NF2: variants seen among roughly 807,000 people sequenced by gnomAD.
NF2 encodes the protein NF2, moesin-ezrin-radixin like (MERLIN) tumor suppressor, also known as merlin.
A neutral mutation model predicts 83.7 loss-of-function variants in NF2; 8 were observed. The ratio of observed to expected loss-of-function variants is 0.10; its 90% CI spans 0.06 to 0.17. The LOEUF is 0.17. NF2 is among the 10% of genes least tolerant of loss of function. The pLI is 1.00. For missense variants in NF2, 533 were observed against 744.4 expected (o/e 0.72, Z 3.31); for synonymous variants, 266 against 269.6 (o/e 0.99, Z 0.13).
At chr22:29,637,690 ATTTT>A (rs35261503) in intron 2 of NF2, among the ~76,000 whole-genome samples, 3 of 146,712 alleles carry the variant, frequency 2.0e-5, no homozygotes, top group Non-Finnish European at 4.5e-5. Context: ...AAAGCTTCCT[ATTTT>A]TTTTTTTTTT....
At chr22:29,609,631 T>A (rs2064896237) in intron 1 of NF2, 1 of 189,022 alleles carries the variant, frequency 5.3e-6, no homozygotes, top group African/African-American at 2.4e-5. Context: ...TTTCAGTGAT[T>A]ATAATTGATT....
intron 14 of NF2, 40 bp from the exon 15 acceptor site, chr22:29,681,395 ACTGT>A: frequency 1.2e-6 from 2 of 1,611,618 alleles, no homozygotes; most frequent in Non-Finnish European, 8.5e-7. Context: ...GCCGTGTCTC[ACTGT>A]CTGCCCAAGC....
In NF2 at chr22:29,603,659, G is replaced by A. The variant is rs2064700222; in HGVS notation, c.-340G>A. The A allele has an allele frequency of 2.5e-6, 1 of 408,146 alleles. No individual in the cohort carries two copies. Among genetic ancestry groups the A allele is most frequent in the South Asian group, 1.0e-4 (1 of 10,020 alleles). The allele number at this position is 408,146 out of a possible 1,614,324, so 25.3% of individuals were successfully genotyped here. On this transcript the variant is annotated 5_prime_UTR_variant, in exon 1 of 16. Coordinates refer to ENST00000338641, the MANE Select transcript of NF2 (RefSeq NM_000268.4). ...TGACCCTAGTCGGCCGCTGAGAGGC[G>A]CGCGGAGTCTGGGCCGCTGCCGTCT...
intron 9 of NF2, among the ~76,000 whole-genome samples, chr22:29,666,285 C>T (rs111849505): frequency 0.073 from 11,097 of 152,048 alleles, 433 homozygotes; most frequent in African/African-American, 0.08. Flanking sequence ...GGATTACAGG[C>T]GGCCACTACC....
intron 4 of NF2, among the ~76,000 whole-genome samples, chr22:29,644,891 G>A (rs929138453): frequency 2.6e-5 from 4 of 152,142 alleles, no homozygotes; most frequent in African/African-American, 4.8e-5. Context: ...GCTTTGGCTC[G>A]GCATGAGAGG....
chr22:29,607,823 A>G (rs937709320), intron 1 of NF2, among the ~76,000 whole-genome samples: 1 of 152,194 alleles, frequency 6.6e-6, no homozygotes, highest in Admixed American at 6.6e-5. Context: ...ATTAAAGAAT[A>G]TCCATAAAGA....
chr22:29,642,474 ATG>A (rs367627235), intron 4 of NF2, among the ~76,000 whole-genome samples, 189 bp downstream of exon 4: 127 of 150,670 alleles, frequency 8.4e-4, no homozygotes, highest in African/African-American at 2.5e-3. Context: ...TTGTGTGTGT[ATG>A]TGTGTGTGTG....
At position 29,658,283 on chromosome 22, in the gene NF2, G is replaced by C. The variant is rs2146991285; in HGVS notation, c.675+19G>C. 2.5e-6 allele frequency: 4 copies of C among 1,610,714 alleles called. No individual in the cohort carries two copies. The highest frequency in any genetic ancestry group is 3.4e-6 in the Non-Finnish European group (4 of 1,176,908). On this transcript the variant is annotated intron_variant, in intron 7 of 15. Coordinates refer to ENST00000338641, the MANE Select transcript of NF2 (RefSeq NM_000268.4). ...AATCCGGGTGTGTTGAAACCTCTCT[G>C]AGCTCCTTGTGTAGTAGACAGAGAC...
intron 1 of NF2, among the ~76,000 whole-genome samples, chr22:29,617,848 G>A (rs902209637): frequency 2.6e-5 from 4 of 152,252 alleles, no homozygotes; most frequent in Admixed American, 6.5e-5. Context: ...AAAGTGCATC[G>A]GCTTTGAAAG....
intron 1 of NF2, among the ~76,000 whole-genome samples, chr22:29,624,825 C>CTTTCTTTCT (rs2065309033): frequency 7.1e-6 from 1 of 140,344 alleles, no homozygotes; most frequent in South Asian, 2.3e-4. Context: ...TTCTTTCTTT[C>CTTTCTTTCT]TTTCTTTCTT....
chr22:29,660,761 G>A (rs1218734803), intron 7 of NF2, among the ~76,000 whole-genome samples: 2 of 152,108 alleles, frequency 1.3e-5, no homozygotes, highest in African/African-American at 4.8e-5. Flanking sequence ...TAGAGATGGG[G>A]TTTCACCATG....
chr22:29,647,035 C>CA (rs67597134), intron 4 of NF2, among the ~76,000 whole-genome samples: 15,693 of 116,870 alleles, frequency 0.13, 1,304 homozygotes, highest in African/African-American at 0.27. Context: ...GACTCCATCT[C>CA]AAAAAAAAAA....
intron 10 of NF2, among the ~76,000 whole-genome samples, chr22:29,670,582 G>T (rs1037838880): frequency 6.6e-6 from 1 of 151,646 alleles, no homozygotes; most frequent in Admixed American, 6.6e-5. Context: ...TAGAAACCTT[G>T]TATGACCAGA....
Position 29,603,846 on chromosome 22 carries a change from T to C in NF2, c.-153T>C, listed in dbSNP as rs1018053621. ...CAGGCAGGGTCCTCGCGGCCCATGC[T>C]GGCCGCTGGGGACCCGCGCAGCCCA... On this transcript the variant is annotated 5_prime_UTR_variant, in exon 1 of 16. Transcript: ENST00000338641. The C allele has an allele frequency of 1.6e-6, 1 of 608,338 alleles. No individual in the cohort carries two copies. The highest frequency in any genetic ancestry group is 2.0e-5 in the South Asian group (1 of 50,330). The allele number at this position is 608,338 out of a possible 1,614,324, so 37.7% of individuals were successfully genotyped here.
intron 4 of NF2, among the ~76,000 whole-genome samples, chr22:29,642,923 G>C (rs2065851878): frequency 6.6e-6 from 1 of 151,818 alleles, no homozygotes; most frequent in African/African-American, 2.4e-5. Context: ...TGTCTGGTTA[G>C]CTGAAAATCG....
chr22:29,616,267 G>T (rs1390272706), intron 1 of NF2, among the ~76,000 whole-genome samples: 2 of 152,068 alleles, frequency 1.3e-5, no homozygotes, highest in Admixed American at 6.6e-5. Flanking sequence ...CACACTGAAT[G>T]TACTAAAAAC....
chr22:29,631,772 T>A (rs2065517714), intron 1 of NF2, among the ~76,000 whole-genome samples: 1 of 152,244 alleles, frequency 6.6e-6, no homozygotes, highest in South Asian at 2.1e-4. Context: ...GGTTTTTAAA[T>A]GAATCAATGC....
intron 1 of NF2, among the ~76,000 whole-genome samples, chr22:29,613,539 A>G (rs1286538496): frequency 6.6e-6 from 1 of 152,098 alleles, no homozygotes; most frequent in Non-Finnish European, 1.5e-5. Flanking sequence ...TCAAAAAAAT[A>G]AAAATAAAAA....
intron 4 of NF2, among the ~76,000 whole-genome samples, chr22:29,643,764 G>A (rs1216349964): frequency 1.8e-4 from 28 of 151,622 alleles, no homozygotes; most frequent in Non-Finnish European, 2.8e-4. Flanking sequence ...ATTCCACAAA[G>A]CCGCCATTGT....
Sources: allele counts gnomAD v4.1 joint callset (sites outside exome capture counted in the v4.1 genomes callset), GRCh38; gene constraint gnomAD v4.1.1; transcripts MANE v1.5; gene names NCBI Gene and HGNC (gene_info 2026-07-23, HGNC 2026-07-21).